The following APBA2 variants were observed in gnomAD, a reference collection of about 807,000 sequenced individuals.
The protein encoded by APBA2 is amyloid beta precursor protein binding family A member 2.
A neutral mutation model predicts 75.0 loss-of-function variants in APBA2; 30 were observed. That is an observed-to-expected ratio of 0.40 (90% CI 0.30 to 0.54). The LOEUF is 0.54. Ranked by LOEUF, APBA2 falls within the 20% of genes least tolerant of loss-of-function variation. The probability of loss-of-function intolerance (pLI) is 0.49; values close to 1 mark genes in which losing one functional copy is unlikely to be tolerated. For synonymous variants in APBA2, 444 were observed against 409.6 expected (o/e 1.08, Z -1.01); for missense variants, 801 against 1,016.1 (o/e 0.79, Z 2.88).
intron 2 of APBA2, among the ~76,000 whole-genome samples, chr15:28,969,052 T>A (rs2036891135): frequency 6.6e-6 from 1 of 152,078 alleles, no homozygotes; most frequent in Admixed American, 6.6e-5. Flanking sequence ...AGGAGGATCA[T>A]CGGAGCTCAG....
chr15:28,894,179 C>G (rs562998013), intron 1 of APBA2: 1 of 152,418 alleles, frequency 6.6e-6, no homozygotes, highest in Non-Finnish European at 1.5e-5. Context: ...CTCAAGGACT[C>G]TGCAGTGGTA....
rs2041351006 is a variant in APBA2, at chr15:29,046,697, G to A, written c.-40-7148G>A. ...ATGAACCTGCACACTCTCCAGGTGG[G>A]CCTTGTGCCCACCAAAGTGAGCGAA... is the stretch of plus-strand genomic sequence containing the variant. On this transcript the variant is annotated intron_variant, in intron 3 of 14. Coordinates refer to ENST00000683413, the MANE Select transcript of APBA2 (RefSeq NM_001353788.2). The surrounding 1 kb of genome is among the most constrained non-coding windows in gnomAD (Gnocchi z 5.0). 6.6e-6 allele frequency among the ~76,000 whole-genome samples: 1 copy of A among 152,212 alleles called. No individual in the cohort carries two copies. The highest frequency in any genetic ancestry group is 6.5e-5 in the Admixed American group (1 of 15,284).
At chr15:28,960,731 G>C (rs1052044109) in intron 2 of APBA2, among the ~76,000 whole-genome samples, 5 of 151,822 alleles carry the variant, frequency 3.3e-5, no homozygotes, top group Admixed American at 1.3e-4. Context: ...GACCACCCCT[G>C]GGAGAGGAAC....
chr15:29,111,926 C>T (rs1047919903), intron 13 of APBA2, among the ~76,000 whole-genome samples: 25 of 152,126 alleles, frequency 1.6e-4, no homozygotes, highest in African/African-American at 5.1e-4. Context: ...TCCCTCACAG[C>T]GTGCTCAGGA....
chr15:28,936,972 G>T (rs1328037674), intron 2 of APBA2, among the ~76,000 whole-genome samples: 6 of 152,308 alleles, frequency 3.9e-5, no homozygotes, highest in Middle Eastern at 3.4e-3. Flanking sequence ...TGCGAAATGG[G>T]CATAATAGAA....
At chr15:29,105,173 C>T (rs896755060) in intron 10 of APBA2, among the ~76,000 whole-genome samples, 1 of 152,220 alleles carries the variant, frequency 6.6e-6, no homozygotes, top group Non-Finnish European at 1.5e-5. Context: ...CTGGGGTTCG[C>T]TCACGGTGGA....
At chr15:28,964,460 G>A (rs2036632084) in intron 2 of APBA2, among the ~76,000 whole-genome samples, 1 of 151,390 alleles carries the variant, frequency 6.6e-6, no homozygotes, top group African/African-American at 2.4e-5. Context: ...ATCTTCACGG[G>A]TGAAATATCT....
intron 2 of APBA2, among the ~76,000 whole-genome samples, chr15:28,967,697 C>T (rs1217340375): frequency 5.3e-5 from 8 of 152,196 alleles, no homozygotes; most frequent in Non-Finnish European, 8.8e-5. Flanking sequence ...CTCGGCCTCC[C>T]AAAGTGCTAG....
intron 3 of APBA2, among the ~76,000 whole-genome samples, chr15:29,039,095 CA>C (rs1170810809): frequency 2.2e-5 from 2 of 92,058 alleles, no homozygotes; most frequent in Non-Finnish European, 5.0e-5. Flanking sequence ...AGCTGTATGT[CA>C]GGGTGTGTGT....
intron 3 of APBA2, among the ~76,000 whole-genome samples, chr15:29,035,996 C>T (rs1048326796): frequency 6.6e-6 from 1 of 152,152 alleles, no homozygotes; most frequent in African/African-American, 2.4e-5. Context: ...AAGCCAAGGC[C>T]CAGGGACTCC....
At chr15:29,087,547 T>C (rs1179835962) in intron 6 of APBA2, among the ~76,000 whole-genome samples, 2 of 152,196 alleles carry the variant, frequency 1.3e-5, no homozygotes, top group Non-Finnish European at 2.9e-5. Flanking sequence ...CCCATAGGTG[T>C]GATTTTCAGA....
intron 3 of APBA2, among the ~76,000 whole-genome samples, chr15:29,027,983 C>T (rs148193455): frequency 2.7e-4 from 40 of 148,424 alleles, no homozygotes; most frequent in African/African-American, 8.9e-4. Context: ...ACACTCTTTT[C>T]GTTTTTTTTT....
chr15:29,013,890 C>T (rs1386480248), intron 3 of APBA2, among the ~76,000 whole-genome samples: 1 of 152,178 alleles, frequency 6.6e-6, no homozygotes, highest in Non-Finnish European at 1.5e-5. Context: ...GTTTGTGATT[C>T]ACATTAGCAT....
chr15:28,893,003 A>C (rs981160282), intron 1 of APBA2, among the ~76,000 whole-genome samples: 7 of 152,222 alleles, frequency 4.6e-5, no homozygotes, highest in African/African-American at 1.7e-4. Context: ...CTTTTGCTGT[A>C]ATAAGTGAGC....
intron 2 of APBA2, among the ~76,000 whole-genome samples, chr15:28,925,785 T>C (rs1306164419): frequency 2.6e-5 from 4 of 152,212 alleles, no homozygotes; most frequent in Admixed American, 1.3e-4. Flanking sequence ...CCACTTATAA[T>C]AGTGGATTTA....
At chr15:29,110,304 T>C (rs1295207110) in intron 13 of APBA2, among the ~76,000 whole-genome samples, 1 of 152,100 alleles carries the variant, frequency 6.6e-6, no homozygotes, top group Middle Eastern at 3.2e-3. Flanking sequence ...TGGGGTGCTG[T>C]ATGGTGTCCC....
At chr15:29,065,180 G>A (rs1453325927) in intron 4 of APBA2, among the ~76,000 whole-genome samples, 2 of 152,132 alleles carry the variant, frequency 1.3e-5, no homozygotes, top group East Asian at 3.9e-4. Flanking sequence ...CCGTTCTTGG[G>A]CCTCCGTGAC....
At chr15:28,972,719 A>G (rs2037130202) in intron 2 of APBA2, among the ~76,000 whole-genome samples, 1 of 152,250 alleles carries the variant, frequency 6.6e-6, no homozygotes, top group Non-Finnish European at 1.5e-5. Flanking sequence ...CAGAGGCTGG[A>G]CGGCAGAAAT....
chr15:29,109,238 C>T (rs1029240600), intron 13 of APBA2, among the ~76,000 whole-genome samples: 1 of 152,174 alleles, frequency 6.6e-6, no homozygotes, highest in African/African-American at 2.4e-5. Context: ...AGAAGGACTA[C>T]CAAATCTTCT....
Sources: allele counts gnomAD v4.1 joint callset (sites outside exome capture counted in the v4.1 genomes callset), GRCh38; gene constraint gnomAD v4.1.1; non-coding constraint Gnocchi (gnomAD v3.1); transcripts MANE v1.5; gene names NCBI Gene and HGNC (gene_info 2026-07-23, HGNC 2026-07-21).